The following HEMGN variants were observed in gnomAD, a reference collection of about 807,000 sequenced individuals.
The protein encoded by HEMGN is hemogen, also known as erythroid differentiation-associated gene protein.
A neutral mutation model predicts 45.7 loss-of-function variants in HEMGN; 32 were observed. That is an observed-to-expected ratio of 0.70 (90% CI 0.53 to 0.94). The LOEUF (loss-of-function observed/expected upper bound fraction) is 0.94. Ranked by LOEUF, HEMGN falls within the 40% of genes least tolerant of loss-of-function variation. The pLI is 0.00. For missense variants in HEMGN, 530 were observed against 564.2 expected (o/e 0.94, Z 0.61); for synonymous variants, 183 against 178.6 (o/e 1.02, Z -0.20).
At chr9:97,941,068 A>G (rs188637308), upstream of HEMGN, among the ~76,000 whole-genome samples, 4 of 152,324 alleles carry the variant, frequency 2.6e-5, no homozygotes, top group African/African-American at 9.6e-5. Context: ...CAATAAGGAA[A>G]TAAATAAAAT....
intron 1 of HEMGN, among the ~76,000 whole-genome samples, chr9:97,937,767 A>C (rs1409979337): frequency 2.6e-5 from 4 of 152,158 alleles, no homozygotes; most frequent in Non-Finnish European, 5.9e-5. Context: ...TTGCTTTAGG[A>C]TAGATCCAAG....
upstream of HEMGN, among the ~76,000 whole-genome samples, chr9:97,941,087 T>G (rs67975003): frequency 0.18 from 27,757 of 152,150 alleles, 3,251 homozygotes; most frequent in Non-Finnish European, 0.26. Context: ...ATATATAATG[T>G]GTCAGATGGT....
At chr9:97,934,548 G>A (rs1275159082) in intron 2 of HEMGN, among the ~76,000 whole-genome samples, 1 of 151,862 alleles carries the variant, frequency 6.6e-6, no homozygotes, top group Non-Finnish European at 1.5e-5. Context: ...GTAATGATTG[G>A]AAGATTGCTT....
In HEMGN at chr9:97,930,055, T is replaced by A; in HGVS notation, c.1340A>T (p.Asp447Val). The change falls in exon 3 of 4, where the codon GAT becomes GTT. Residue 447 changes from aspartate to valine, a missense_variant. Asp to Val is a radical substitution (Grantham distance 152, BLOSUM62 -3). Transcript: ENST00000616898. ...DPKAHQEDAK[D>V]AYTFPQEMKE... Reference sequence around the variant, plus strand: ...CTTACCTTGAGGAAAAGTATAAGCATCTTTAGCATCTTCCTGGTGTGCTTT... The same window carrying A: ...CTTACCTTGAGGAAAAGTATAAGCAACTTTAGCATCTTCCTGGTGTGCTTT... The A allele has an allele frequency of 6.2e-7, 1 of 1,613,712 alleles. No individual in the cohort carries two copies. The highest frequency in any genetic ancestry group is 1.3e-5 in the African/African-American group (1 of 74,942).
chr9:97,942,222 G>A (rs761427387), upstream of HEMGN, among the ~76,000 whole-genome samples: 32 of 151,432 alleles, frequency 2.1e-4, no homozygotes, highest in Admixed American at 6.6e-4. Flanking sequence ...AGTGAGACTG[G>A]TAGTTCGCAC....
Position 97,927,164 on chromosome 9 carries a change from TACATACAC to T in HEMGN, c.*212_*219del. On this transcript the variant is annotated 3_prime_UTR_variant, in exon 4 of 4. Coordinates refer to ENST00000616898, the MANE Select transcript of HEMGN (RefSeq NM_197978.3). ...CACTATCCTCTCCCCGACCTATACA[TACATACAC>T]ACACACACACACACACACACACACA... 9.4e-6 allele frequency: 3 copies of T among 319,046 alleles called. No homozygotes were observed. Among genetic ancestry groups the T allele is most frequent in the Non-Finnish European group, 1.1e-5 (2 of 185,644 alleles). The allele number at this position is 319,046 out of a possible 1,614,324, so 19.8% of individuals were successfully genotyped here.
At position 97,930,318 on chromosome 9, in the gene HEMGN, T is replaced by G. The variant is rs569904796; in HGVS notation, c.1077A>C (p.Glu359Asp). 1.9e-6 allele frequency: 3 copies of G among 1,613,808 alleles called. No homozygotes were observed. The South Asian group carries it at 3.3e-5, about 18-fold the overall frequency. ...SEDYSIEINQ[E>D]TPGSEKYSPE... ...GTGAATATTTTTCAGACCCAGGAGT[T>G]TCTTGGTTTATTTCAATTGAATAGT... The change falls in exon 3 of 4, where the codon GAA (glutamate) becomes GAC (aspartate). Residue 359 changes from glutamate to aspartate, a missense_variant. By Grantham distance (45) the Glu-to-Asp change is conservative. Transcript: ENST00000616898.
At chr9:97,936,296 G>T in intron 1 of HEMGN, 32 bp from the exon 2 acceptor site, 2 of 1,435,328 alleles carry the variant, frequency 1.4e-6, no homozygotes, top group Non-Finnish European at 2.0e-6. Context: ...TAGAAAAAGT[G>T]ATGAACTGTG....
intron 2 of HEMGN, among the ~76,000 whole-genome samples, chr9:97,932,731 G>C (rs1826978325): frequency 6.6e-6 from 1 of 150,872 alleles, no homozygotes; most frequent in Non-Finnish European, 1.5e-5. Context: ...TTGAACCCAG[G>C]AGATGGAGGT....
At chr9:97,944,547 C>T (rs1827195802) in intron 1 of HEMGN, among the ~76,000 whole-genome samples, 1 of 152,134 alleles carries the variant, frequency 6.6e-6, no homozygotes. Flanking sequence ...TTTCATCTGC[C>T]CTCACCCTCC....
upstream of HEMGN, among the ~76,000 whole-genome samples, chr9:97,941,510 A>G (rs1041089070): frequency 9.9e-5 from 15 of 152,236 alleles, no homozygotes; most frequent in African/African-American, 2.9e-4. Flanking sequence ...TGGTATTGCA[A>G]TGATCCAGAT....
rs775245293 is a variant in HEMGN at position 97,931,068 on chromosome 9, C to T, written c.327G>A (p.Glu109=). 6.2e-7 allele frequency: 1 copy of T among 1,614,080 alleles called. No homozygotes were observed. Among genetic ancestry groups the T allele is most frequent in the South Asian group, 1.1e-5 (1 of 91,082 alleles). The change falls in exon 3 of 4, where the codon GAG becomes GAA. Residue 109 remains glutamate (E), a synonymous_variant. Coordinates refer to ENST00000616898, the MANE Select transcript of HEMGN (RefSeq NM_197978.3). ...ATACTTTGGTTATGCTCCCAGGTGGCTCAGTTTTTTTCTCTATAGGTGCCA... is the reference window on the plus strand; with the variant it reads ...ATACTTTGGTTATGCTCCCAGGTGGTTCAGTTTTTTTCTCTATAGGTGCCA... The part of the protein sequence containing the change: ...KALAPIEKKT[E]PPGSITKVFP...
upstream of HEMGN, among the ~76,000 whole-genome samples, chr9:97,940,302 A>G (rs1302744043): frequency 6.6e-6 from 1 of 152,214 alleles, no homozygotes; most frequent in African/African-American, 2.4e-5. Context: ...AGGAAATAAT[A>G]GATTCTTTAT....
In HEMGN at chr9:97,930,218, C is replaced by T. The variant is rs1826916083; in HGVS notation, c.1177G>A (p.Glu393Lys). 3 of 1,613,950 alleles carry T rather than the reference C, an allele frequency of 1.9e-6. No individual in the cohort carries two copies. The highest frequency in any genetic ancestry group is 1.3e-5 in the African/African-American group (1 of 74,880). The change falls in exon 3 of 4, where the codon GAA (glutamate) becomes AAA (lysine). Residue 393 changes from glutamate (E) to lysine (K), a missense_variant. Physicochemically the swap from Glu to Lys is moderately conservative, Grantham distance 56. Transcript: ENST00000616898. ...EIYQETSQLE[E>K]YSPEIYQETP... ...TCTTGGTATATTTCAGGTGAATATT[C>T]TTCAAGCTGGGATGTTTCTTGGTAT...
At position 97,930,366 on chromosome 9, in the gene HEMGN, G is replaced by T. The variant is rs35527067; in HGVS notation, c.1029C>A (p.Ile343=). The change falls in exon 3 of 4, where the codon ATC becomes ATA. Residue 343 remains isoleucine (I), a synonymous_variant. Transcript: ENST00000616898. ...IVPKAPSHKT[I]QETPHSEDYS... ...AGTCTTCAGAATGAGGTGTTTCTTG[G>T]ATTGTTTTATGAGAGGGGGCTTTAG... 20,606 of 1,613,674 alleles carry T rather than the reference G, an allele frequency of 0.013. 151 individuals carry two copies. Among genetic ancestry groups the T allele is most frequent in the Non-Finnish European group, 0.016 (18,479 of 1,179,858 alleles).
Position 97,927,231 on chromosome 9 carries a change from C to A in HEMGN, c.*153G>T. The A allele has an allele frequency of 1.9e-6, 1 of 529,004 alleles. No individual in the cohort carries two copies. The highest frequency in any genetic ancestry group is 3.4e-6 in the Non-Finnish European group (1 of 298,258). The allele number at this position is 529,004 out of a possible 1,614,324, so 32.8% of individuals were successfully genotyped here. A position where few individuals can be genotyped will look rare whatever the true frequency, so the allele number is the denominator to read the frequency against. ...CATGATATTGTCTATGTGGTAGAGC[C>A]TTAAAAAATGTTATTTCTTTCAGAT... On this transcript the variant is annotated 3_prime_UTR_variant, in exon 4 of 4. Coordinates refer to ENST00000616898, the MANE Select transcript of HEMGN (RefSeq NM_197978.3).
chr9:97,941,274 C>G (rs1379766927), upstream of HEMGN, among the ~76,000 whole-genome samples: 3 of 151,948 alleles, frequency 2.0e-5, no homozygotes, highest in Admixed American at 1.3e-4. Context: ...GGAGGGCATT[C>G]CAGGTATAGG....
At chr9:97,936,388 T>C in intron 1 of HEMGN, 124 bp from the exon 2 acceptor site, 1 of 673,712 alleles carries the variant, frequency 1.5e-6, no homozygotes, top group South Asian at 1.7e-5. Flanking sequence ...GGACAAGGAC[T>C]GCATCTCATT....
At chr9:97,943,218 T>C (rs1303237567) in intron 1 of HEMGN, among the ~76,000 whole-genome samples, 3 of 152,244 alleles carry the variant, frequency 2.0e-5, no homozygotes, top group Non-Finnish European at 2.9e-5. Context: ...ACAGTGTTGA[T>C]AGTGATATTA....
Sources: gnomAD v4.1 joint callset for allele counts (sites outside exome capture counted in the v4.1 genomes callset) on GRCh38, gnomAD v4.1.1 for gene constraint, MANE v1.5 for transcripts, NCBI Gene and HGNC (gene_info 2026-07-23, HGNC 2026-07-21) for gene names.